The following PDE4B variants were observed in gnomAD, a reference collection of about 807,000 sequenced individuals.
PDE4B encodes phosphodiesterase 4B.
In PDE4B, 20 loss-of-function variants were observed where a neutral mutation model predicts 82.2. The ratio of observed to expected loss-of-function variants is 0.24; its 90% CI spans 0.17 to 0.35. PDE4B has a LOEUF of 0.35. Among genes scored for constraint, PDE4B ranks in the 10% least tolerant of loss-of-function variants. The pLI is 1.00. For synonymous variants in PDE4B, 320 were observed against 318.9 expected, an observed-to-expected ratio of 1.00 and a Z score of -0.04; for missense variants, 655 against 907.2, an observed-to-expected ratio of 0.72 and a Z score of 3.57.
intron 3 of PDE4B, among the ~76,000 whole-genome samples, chr1:66,077,565 A>G (rs1656500501): frequency 6.6e-6 from 1 of 152,122 alleles, no homozygotes; most frequent in Non-Finnish European, 1.5e-5. Flanking sequence ...GATATTCTCT[A>G]AATTTTGGTT....
At chr1:65,862,708 A>G (rs1048325505) in intron 1 of PDE4B, among the ~76,000 whole-genome samples, 1 of 152,152 alleles carries the variant, frequency 6.6e-6, no homozygotes, top group African/African-American at 2.4e-5. Context: ...TATGCTATTA[A>G]TTACTGCCTC....
chr1:66,205,336 A>T (rs915915068), intron 3 of PDE4B, among the ~76,000 whole-genome samples: 1 of 152,204 alleles, frequency 6.6e-6, no homozygotes, highest in African/African-American at 2.4e-5. Flanking sequence ...TCTCCCTTTT[A>T]AACTTGGGAT....
intron 3 of PDE4B, among the ~76,000 whole-genome samples, chr1:65,919,298 A>G (rs1647197893): frequency 6.6e-6 from 1 of 152,204 alleles, no homozygotes; most frequent in African/African-American, 2.4e-5. Flanking sequence ...AAAATAAAAC[A>G]TTTCATTGTA....
intron 1 of PDE4B, among the ~76,000 whole-genome samples, chr1:65,797,758 C>T (rs1434865191): frequency 6.6e-6 from 1 of 152,046 alleles, no homozygotes; most frequent in Admixed American, 6.6e-5. Context: ...TCAAATGGAC[C>T]CCAGTTAGAT....
rs112051760 is a variant in PDE4B, at chr1:65,798,759, A to C, written c.-71+5511A>C. 6.8e-3 allele frequency among the ~76,000 whole-genome samples: 1,038 copies of C among 152,336 alleles called. 16 individuals are homozygous for C. Among genetic ancestry groups the C allele is most frequent in the African/African-American group, 0.024 (986 of 41,562 alleles). ...TGTAATATATATCTGTTAGGTGTGG[A>C]GACATAGTTTAAACCTTAGTTCAAG... On this transcript the variant is annotated intron_variant, in intron 1 of 16. Transcript: ENST00000341517.
intron 6 of PDE4B, among the ~76,000 whole-genome samples, chr1:66,259,387 A>G (rs1043171187): frequency 1.3e-5 from 2 of 152,080 alleles, no homozygotes; most frequent in East Asian, 1.9e-4. Flanking sequence ...AGCCACATGG[A>G]ATTATGTTCA....
At chr1:65,900,240 G>A (rs1646957062) in intron 1 of PDE4B, among the ~76,000 whole-genome samples, 1 of 151,924 alleles carries the variant, frequency 6.6e-6, no homozygotes, top group African/African-American at 2.4e-5. Context: ...GCTTATTTTT[G>A]TTGACTTTGT....
chr1:65,815,468 G>A (rs1318501280), intron 1 of PDE4B, among the ~76,000 whole-genome samples: 4 of 152,042 alleles, frequency 2.6e-5, no homozygotes, highest in African/African-American at 9.7e-5. Flanking sequence ...ATTAAACTGA[G>A]AATAAATGCA....
intron 3 of PDE4B, among the ~76,000 whole-genome samples, chr1:66,157,008 G>A (rs373753953): frequency 6.6e-6 from 1 of 152,066 alleles, no homozygotes; most frequent in Non-Finnish European, 1.5e-5. Flanking sequence ...TCTCTCCCTT[G>A]AGCTCTAAAC....
intron 3 of PDE4B, among the ~76,000 whole-genome samples, chr1:66,032,259 A>G (rs1045069528): frequency 1.6e-4 from 24 of 152,376 alleles, no homozygotes; most frequent in African/African-American, 3.8e-4. Context: ...GACATATTCT[A>G]TAGTGATACA....
At chr1:66,199,530 T>C (rs899243370) in intron 3 of PDE4B, among the ~76,000 whole-genome samples, 1 of 152,204 alleles carries the variant, frequency 6.6e-6, no homozygotes, top group Non-Finnish European at 1.5e-5. Flanking sequence ...CTTTGTCAGA[T>C]GAATAGGTTG....
rs527682494 is a variant in PDE4B, at chr1:65,958,502, C to T, written c.281+39667C>T. On this transcript the variant is annotated intron_variant, in intron 3 of 16. Coordinates refer to ENST00000341517, the MANE Select transcript of PDE4B (RefSeq NM_002600.4). Reference sequence around the variant, plus strand: ...CTCTTAGAGTGACTTGAAGATTGTGCCCTCTTTTTATCTTTTGGGGAAGAG... The same window carrying T: ...CTCTTAGAGTGACTTGAAGATTGTGTCCTCTTTTTATCTTTTGGGGAAGAG... Among the ~76,000 whole-genome samples the T allele has an allele frequency of 2.0e-5, 3 of 151,964 alleles. No individual in the cohort carries two copies. The East Asian group carries it at 5.8e-4, about 29-fold the overall frequency.
chr1:66,299,717 G>A (rs749879186), intron 7 of PDE4B, among the ~76,000 whole-genome samples: 9 of 152,074 alleles, frequency 5.9e-5, no homozygotes, highest in Non-Finnish European at 1.2e-4. Flanking sequence ...CATCCTTGCT[G>A]GCTTTTGTTA....
intron 3 of PDE4B, among the ~76,000 whole-genome samples, chr1:66,013,459 C>T (rs1194175036): frequency 6.6e-6 from 1 of 152,104 alleles, no homozygotes; most frequent in East Asian, 1.9e-4. Flanking sequence ...TTGTTCTTTA[C>T]TGATACAGTT....
chr1:65,878,235 A>G (rs530132162), intron 1 of PDE4B, among the ~76,000 whole-genome samples: 8 of 152,270 alleles, frequency 5.3e-5, no homozygotes, highest in Non-Finnish European at 1.2e-4. Flanking sequence ...GAAACAACAG[A>G]TGCTGGAGAG....
intron 3 of PDE4B, among the ~76,000 whole-genome samples, chr1:66,036,266 C>G (rs952496184): frequency 6.6e-6 from 1 of 152,122 alleles, no homozygotes; most frequent in African/African-American, 2.4e-5. Context: ...TTCTCCTAAT[C>G]TGTGGGTTGT....
At chr1:65,975,956 T>C (rs1371310394) in intron 3 of PDE4B, among the ~76,000 whole-genome samples, 2 of 152,166 alleles carry the variant, frequency 1.3e-5, no homozygotes. Flanking sequence ...GGAGGGGAAC[T>C]GTGGGGTTGA....
intron 3 of PDE4B, among the ~76,000 whole-genome samples, chr1:66,108,845 T>C (rs1291697043): frequency 6.6e-6 from 1 of 152,028 alleles, no homozygotes; most frequent in Non-Finnish European, 1.5e-5. Flanking sequence ...TTCAACTGAC[T>C]CATCAAATCA....
chr1:65,957,380 C>T (rs1649315614), intron 3 of PDE4B, among the ~76,000 whole-genome samples: 1 of 151,786 alleles, frequency 6.6e-6, no homozygotes, highest in Non-Finnish European at 1.5e-5. Flanking sequence ...GTCTGTTACA[C>T]AGCAAGCTAT....
Sources: allele counts gnomAD v4.1 joint callset (sites outside exome capture counted in the v4.1 genomes callset), GRCh38; gene constraint gnomAD v4.1.1; transcripts MANE v1.5; gene names NCBI Gene and HGNC (gene_info 2026-07-23, HGNC 2026-07-21).